Variants in MYO18B observed in about 807,000 individuals in gnomAD.
The protein encoded by MYO18B is myosin XVIIIB.
Under a neutral mutation model 273.0 loss-of-function variants are expected in MYO18B, and 204 were observed. The ratio of observed to expected loss-of-function variants is 0.75; its 90% CI spans 0.67 to 0.84. The LOEUF is 0.84. Among genes scored for constraint, MYO18B ranks in the 40% least tolerant of loss-of-function variants. The pLI is 0.00. For synonymous variants in MYO18B, 1,330 were observed against 1,305.7 expected, an observed-to-expected ratio of 1.02 and a Z score of -0.40; for missense variants, 3,212 against 3,287.6, an observed-to-expected ratio of 0.98 and a Z score of 0.56.
At chr22:25,825,500 C>A (rs1423808257) in intron 13 of MYO18B, among the ~76,000 whole-genome samples, 1 of 152,198 alleles carries the variant, frequency 6.6e-6, no homozygotes, top group Non-Finnish European at 1.5e-5. Flanking sequence ...GCACCCTAAT[C>A]AAGGCTGGTG....
At chr22:25,855,184 A>G (rs2090530523) in intron 21 of MYO18B, among the ~76,000 whole-genome samples, 1 of 151,998 alleles carries the variant, frequency 6.6e-6, no homozygotes, top group Non-Finnish European at 1.5e-5. Flanking sequence ...CCCACTTATA[A>G]GTGAGAACAT....
chr22:25,808,401 T>C (rs556285755), intron 12 of MYO18B, among the ~76,000 whole-genome samples: 1 of 152,294 alleles, frequency 6.6e-6, no homozygotes, highest in South Asian at 2.1e-4. Context: ...TCCAAGATGC[T>C]GAGTCTCAGG....
intron 21 of MYO18B, among the ~76,000 whole-genome samples, chr22:25,866,577 A>G (rs1233306657): frequency 6.6e-6 from 1 of 152,090 alleles, no homozygotes; most frequent in Non-Finnish European, 1.5e-5. Context: ...ACAGTGGCTC[A>G]CACCTGTAAT....
the MYO18B span, among the ~76,000 whole-genome samples, chr22:26,038,917 G>A: frequency 1.3e-5 from 2 of 152,174 alleles, no homozygotes; most frequent in African/African-American, 2.4e-5. Context: ...CCAAGGCAAA[G>A]GGTATTGAGA....
intron 10 of MYO18B, among the ~76,000 whole-genome samples, chr22:25,784,965 T>G (rs999863040): frequency 1.3e-5 from 2 of 152,184 alleles, no homozygotes; most frequent in Admixed American, 6.5e-5. Context: ...GCTTGCTAGC[T>G]GTGAAGTCTT....
chr22:25,780,389 G>A (rs1484898996), intron 9 of MYO18B, among the ~76,000 whole-genome samples, 191 bp downstream of exon 9: 1 of 151,906 alleles, frequency 6.6e-6, no homozygotes. Context: ...TCTGGGGTTT[G>A]AGACCAGCCT....
chr22:26,048,417 A>G, the MYO18B span, among the ~76,000 whole-genome samples: 1 of 151,914 alleles, frequency 6.6e-6, no homozygotes, highest in Non-Finnish European at 1.5e-5. Context: ...TATTACCATT[A>G]TTGTTTTTAG....
intron 19 of MYO18B, among the ~76,000 whole-genome samples, chr22:25,846,576 C>T (rs991886961): frequency 6.6e-6 from 1 of 152,204 alleles, no homozygotes; most frequent in African/African-American, 2.4e-5. Flanking sequence ...GCCCTCTTGA[C>T]TCCAGTGACA....
the MYO18B span, among the ~76,000 whole-genome samples, chr22:26,038,688 G>A: frequency 8.5e-5 from 13 of 152,124 alleles, no homozygotes; most frequent in South Asian, 8.3e-4. Context: ...ATTACACCAC[G>A]AAATTTTCCT....
chr22:25,848,897 T>C (rs2146031994), intron 20 of MYO18B, among the ~76,000 whole-genome samples: 1 of 152,324 alleles, frequency 6.6e-6, no homozygotes, highest in Non-Finnish European at 1.5e-5. Context: ...TAGTGTATGG[T>C]CGCTTCTCCC....
rs1233913469 is a variant in MYO18B, at chr22:25,882,432, T to C, written c.4314+4384T>C. ...GCTATTGAGGTGTTAGGGAAATTTA[T>C]TCCATGGATTCTCATAAAAGGGGCA... is the stretch of plus-strand genomic sequence containing the variant. On this transcript the variant is annotated intron_variant, in intron 25 of 43. Coordinates refer to ENST00000335473, the MANE Select transcript of MYO18B (RefSeq NM_032608.7). Among the ~76,000 whole-genome samples the C allele has an allele frequency of 2.0e-5, 3 of 152,038 alleles. No individual in the cohort carries two copies. The East Asian group carries it at 5.8e-4, about 29-fold the overall frequency.
intron 1 of MYO18B, among the ~76,000 whole-genome samples, chr22:25,743,394 A>G (rs2085685760): frequency 6.6e-6 from 1 of 152,152 alleles, no homozygotes; most frequent in Admixed American, 6.5e-5. Context: ...CCTTGGGAGC[A>G]GAAAAGAGAG....
chr22:25,974,988 G>A (rs1401642844), intron 39 of MYO18B, among the ~76,000 whole-genome samples: 2 of 152,166 alleles, frequency 1.3e-5, no homozygotes, highest in African/African-American at 4.8e-5. Context: ...GAGAAAAATG[G>A]GGGAGACTGT....
rs754529982 is a variant in MYO18B, at chr22:26,026,905, C to A, written c.6931C>A (p.Leu2311Met). 1.2e-6 allele frequency: 2 copies of A among 1,607,932 alleles called. No homozygotes were observed. Among genetic ancestry groups the A allele is most frequent in the Non-Finnish European group, 1.7e-6 (2 of 1,176,096 alleles). ...GCTGAGGGTTGGGGCAAAGTCACCC[C>A]TGGAAATCGAAGGGGCCGCTGGTGG... ...LSLRVGAKSP[L>M]EIEGAAGGLL... is the part of the protein sequence containing the mutation. Residue 2311 changes from leucine to methionine, a missense_variant, in exon 43 of 44, where the codon CTG (leucine) becomes ATG (methionine). Transcript: ENST00000335473.
chr22:26,020,850 A>T (rs138229563), intron 42 of MYO18B, among the ~76,000 whole-genome samples: 2,038 of 152,300 alleles, frequency 0.013, 37 homozygotes, highest in African/African-American at 0.047. Flanking sequence ...ACAGTTTGGG[A>T]GGCCAAGGTG....
At chr22:25,770,030 C>T in intron 4 of MYO18B, 80 bp from the exon 5 acceptor site, 1 of 1,436,316 alleles carries the variant, frequency 7.0e-7, no homozygotes, top group Non-Finnish European at 9.8e-7. Flanking sequence ...CCAGAGCACA[C>T]TGTGAGAAAC....
intron 25 of MYO18B, among the ~76,000 whole-genome samples, chr22:25,881,289 G>A (rs546295710): frequency 9.8e-5 from 15 of 152,352 alleles, no homozygotes; most frequent in African/African-American, 3.6e-4. Flanking sequence ...CTTGCAGGAA[G>A]GACCACATCC....
intron 11 of MYO18B, among the ~76,000 whole-genome samples, chr22:25,793,324 T>C (rs1455278427): frequency 6.6e-6 from 1 of 152,202 alleles, no homozygotes; most frequent in Admixed American, 6.5e-5. Flanking sequence ...AGCCGTGAAC[T>C]CCTTGGCTCA....
intron 12 of MYO18B, among the ~76,000 whole-genome samples, chr22:25,801,167 C>T (rs1601735377): frequency 6.6e-6 from 1 of 152,036 alleles, no homozygotes; most frequent in Non-Finnish European, 1.5e-5. Context: ...ATGATACTCC[C>T]TTCTCAGTGT....
Sources: allele counts gnomAD v4.1 joint callset (sites outside exome capture counted in the v4.1 genomes callset), GRCh38; gene constraint gnomAD v4.1.1; transcripts MANE v1.5; gene names NCBI Gene and HGNC (gene_info 2026-07-23, HGNC 2026-07-21).